Variants in FNBP1 observed in about 807,000 individuals in gnomAD.
The protein encoded by FNBP1 is formin-binding protein 1.
Under a neutral mutation model 90.6 loss-of-function variants are expected in FNBP1, and 26 were observed. The observed-to-expected ratio is 0.29, with a 90% confidence interval of 0.21 to 0.40. The LOEUF (loss-of-function observed/expected upper bound fraction) is 0.40, where lower values mean the gene tolerates loss of function less well. Among genes scored for constraint, FNBP1 ranks in the 10% least tolerant of loss-of-function variants. The probability of loss-of-function intolerance (pLI) is 1.00; values close to 1 mark genes in which losing one functional copy is unlikely to be tolerated. For synonymous variants in FNBP1, 260 were observed against 265.2 expected (o/e 0.98, Z 0.19); for missense variants, 635 against 768.0 (o/e 0.83, Z 2.05).
At chr9:129,982,395 T>C (rs976080546) in intron 2 of FNBP1, among the ~76,000 whole-genome samples, 4 of 152,006 alleles carry the variant, frequency 2.6e-5, no homozygotes, top group African/African-American at 9.7e-5. Context: ...GGCTTGAACC[T>C]GGGAGGCAGA....
At chr9:129,963,219 A>G (rs2048084667) in intron 4 of FNBP1, among the ~76,000 whole-genome samples, 1 of 152,184 alleles carries the variant, frequency 6.6e-6, no homozygotes, top group Non-Finnish European at 1.5e-5. Flanking sequence ...AGCTTGGGGC[A>G]ATGCTGTGGG....
intron 15 of FNBP1, among the ~76,000 whole-genome samples, chr9:129,897,478 G>A (rs1379908962): frequency 6.6e-6 from 1 of 152,158 alleles, no homozygotes; most frequent in Non-Finnish European, 1.5e-5. Flanking sequence ...AAGTCCTGTA[G>A]TAAAGAAATC....
rs1256611208 is a variant in FNBP1 at position 130,043,189 on chromosome 9, C to T, written c.-214G>A. 2.7e-6 allele frequency: 1 copy of T among 372,212 alleles called. No individual in the cohort carries two copies. The highest frequency in any genetic ancestry group is 4.7e-6 in the Non-Finnish European group (1 of 211,792). The allele number at this position is 372,212 out of a possible 1,614,324, so 23.1% of individuals were successfully genotyped here. A position where few individuals can be genotyped will look rare whatever the true frequency, so the allele number is the denominator to read the frequency against. ...AAATGGCCCGAGGAAGCAGCAGCCG[C>T]GGCCGCCGCAGCGCCCGCCCGCCCT... is the stretch of plus-strand genomic sequence containing the variant. On this transcript the variant is annotated 5_prime_UTR_variant, in exon 1 of 17. Coordinates refer to ENST00000446176, the MANE Select transcript of FNBP1 (RefSeq NM_015033.3).
chr9:129,993,383 G>A (rs1162424546), intron 2 of FNBP1, among the ~76,000 whole-genome samples: 1 of 151,012 alleles, frequency 6.6e-6, no homozygotes, highest in African/African-American at 2.4e-5. Flanking sequence ...TCAAGTTCAA[G>A]CTTAGTTCTA....
intron 10 of FNBP1, among the ~76,000 whole-genome samples, chr9:129,916,571 C>T (rs549398049): frequency 1.7e-4 from 25 of 150,286 alleles, no homozygotes; most frequent in African/African-American, 5.1e-4. Flanking sequence ...GAGCTGAGGT[C>T]GCGCATTGCA....
intron 1 of FNBP1, among the ~76,000 whole-genome samples, chr9:130,038,235 G>T (rs1449838131): frequency 6.6e-6 from 1 of 151,244 alleles, no homozygotes; most frequent in Non-Finnish European, 1.5e-5. Context: ...GGCGCCTGTA[G>T]TCCCAGCTAC....
intron 6 of FNBP1, among the ~76,000 whole-genome samples, chr9:129,940,057 A>T (rs903558796): frequency 6.6e-6 from 1 of 151,978 alleles, no homozygotes; most frequent in Non-Finnish European, 1.5e-5. Context: ...AAAAATAAGC[A>T]GGGCATGGTG....
chr9:130,043,869 C>G (rs972849168), upstream of FNBP1, among the ~76,000 whole-genome samples: 5 of 152,238 alleles, frequency 3.3e-5, no homozygotes, highest in African/African-American at 9.6e-5. Context: ...GTGGGGTACA[C>G]AGATAACTTG....
At chr9:129,909,558 TA>T (rs1255804197) in intron 11 of FNBP1, among the ~76,000 whole-genome samples, 93 of 145,592 alleles carry the variant, frequency 6.4e-4, no homozygotes, top group Non-Finnish European at 5.0e-4. Context: ...AAAAGAACAT[TA>T]AAAAAAAAAA....
chr9:130,051,414 A>G, the FNBP1 span, among the ~76,000 whole-genome samples: 1 of 152,216 alleles, frequency 6.6e-6, no homozygotes, highest in Admixed American at 6.5e-5. Flanking sequence ...TAATTACTTA[A>G]AAGAGTTCTG....
In FNBP1 at chr9:129,889,788, C is replaced by A; in HGVS notation, c.*751G>T. On this transcript the variant is annotated 3_prime_UTR_variant, in exon 17 of 17. Coordinates refer to ENST00000446176, the MANE Select transcript of FNBP1 (RefSeq NM_015033.3). ...TGGCCGGTGGACACAGGCGAGTCAACAAGGCGAGCTGGAATTCGACTTCCA... is the reference window on the plus strand; with the variant it reads ...TGGCCGGTGGACACAGGCGAGTCAAAAAGGCGAGCTGGAATTCGACTTCCA... The A allele has an allele frequency of 4.3e-6, 1 of 232,510 alleles. No homozygotes were observed. The highest frequency in any genetic ancestry group is 8.5e-6 in the Non-Finnish European group (1 of 117,578). 14.4% of individuals were successfully genotyped at this position (232,510 alleles called of 1,614,324 possible).
chr9:129,916,161 C>T, intron 10 of FNBP1, 181 bp from the exon 11 acceptor site: 2 of 590,952 alleles, frequency 3.4e-6, no homozygotes, highest in South Asian at 4.2e-5. Context: ...CAAAAGTTCA[C>T]AAGAAGGGCT....
At chr9:129,904,223 A>G (rs1258771841) in intron 12 of FNBP1, among the ~76,000 whole-genome samples, 3 of 152,204 alleles carry the variant, frequency 2.0e-5, no homozygotes, top group Non-Finnish European at 4.4e-5. Flanking sequence ...AACTGAATCC[A>G]TAGTTGGTAT....
chr9:130,013,559 C>G (rs2056884205), intron 1 of FNBP1, among the ~76,000 whole-genome samples: 1 of 152,132 alleles, frequency 6.6e-6, no homozygotes, highest in Non-Finnish European at 1.5e-5. Flanking sequence ...ACCTGTGCCT[C>G]TGTATGACAT....
At chr9:129,953,986 C>G (rs2046555636) in intron 6 of FNBP1, among the ~76,000 whole-genome samples, 1 of 151,630 alleles carries the variant, frequency 6.6e-6, no homozygotes, top group South Asian at 2.1e-4. Context: ...TGAGGCCAAC[C>G]TGGGCAACAT....
In FNBP1 at chr9:129,892,366, G is replaced by GACACACACACACAC. The variant is rs3138855; in HGVS notation, c.1847-1834_1847-1821dup. On this transcript the variant is annotated intron_variant, in intron 16 of 16. Transcript: ENST00000446176. ...GCAATTATTAAATAAGCACATCGTA[G>GACACACACACACAC]ACACACACACACACACACACACACA... Among the ~76,000 whole-genome samples the GACACACACACACAC allele has an allele frequency of 3.6e-3, 374 of 103,454 alleles. 3 individuals are homozygous for GACACACACACACAC. Among genetic ancestry groups the GACACACACACACAC allele is most frequent in the African/African-American group, 0.015 (354 of 23,756 alleles). The allele number at this position is 103,454 out of a possible 152,430, so 67.9% of individuals were successfully genotyped here. A position where few individuals can be genotyped will look rare whatever the true frequency, so the allele number is the denominator to read the frequency against.
At chr9:129,973,757 C>T (rs889383186) in intron 4 of FNBP1, among the ~76,000 whole-genome samples, 6 of 151,470 alleles carry the variant, frequency 4.0e-5, no homozygotes, top group African/African-American at 1.5e-4. Context: ...CCTGCCTTGG[C>T]CTCCCAAAGT....
At chr9:129,912,538 A>G (rs2039492336) in intron 11 of FNBP1, among the ~76,000 whole-genome samples, 1 of 152,036 alleles carries the variant, frequency 6.6e-6, no homozygotes, top group South Asian at 2.1e-4. Flanking sequence ...AAAATACAAA[A>G]TTAGCCAGGC....
chr9:130,010,579 G>A (rs1006760923), intron 1 of FNBP1, among the ~76,000 whole-genome samples: 8 of 152,146 alleles, frequency 5.3e-5, no homozygotes, highest in East Asian at 1.9e-4. Flanking sequence ...TTTACTTGAC[G>A]TGGTCATAGC....
Sources: gnomAD v4.1 joint callset for allele counts (sites outside exome capture counted in the v4.1 genomes callset) on GRCh38, gnomAD v4.1.1 for gene constraint, MANE v1.5 for transcripts, NCBI Gene and HGNC (gene_info 2026-07-23, HGNC 2026-07-21) for gene names.